GSG1L: variants seen among roughly 807,000 people sequenced by gnomAD.
GSG1L encodes the protein germ cell-specific gene 1-like protein.
In GSG1L, 24 loss-of-function variants were observed where a neutral mutation model predicts 42.1. The ratio of observed to expected loss-of-function variants is 0.57; its 90% CI spans 0.41 to 0.80. GSG1L has a LOEUF of 0.80. GSG1L is among the 30% of genes least tolerant of loss of function. GSG1L has a pLI of 0.00. For synonymous variants in GSG1L, 215 were observed against 203.5 expected (o/e 1.06, Z -0.48); for missense variants, 445 against 472.2 (o/e 0.94, Z 0.53).
At chr16:27,989,688 T>C (rs2085433138) in intron 1 of GSG1L, among the ~76,000 whole-genome samples, 1 of 150,686 alleles carries the variant, frequency 6.6e-6, no homozygotes, top group Admixed American at 6.7e-5. Context: ...TGCAGTGTGC[T>C]GAGATCACAC....
intron 1 of GSG1L, among the ~76,000 whole-genome samples, chr16:28,018,655 C>T (rs536582533): frequency 6.6e-6 from 1 of 152,076 alleles, no homozygotes; most frequent in Admixed American, 6.6e-5. Context: ...GAGGGAACGG[C>T]CATTGTGCAG....
At chr16:27,931,562 G>A (rs985303900) in intron 2 of GSG1L, among the ~76,000 whole-genome samples, 3 of 152,230 alleles carry the variant, frequency 2.0e-5, no homozygotes, top group Non-Finnish European at 4.4e-5. Context: ...GCAAACAGTA[G>A]AAAGCTGGAG....
rs969203821 is a variant in GSG1L, at chr16:28,056,268, C to T, written c.349+6808G>A. On this transcript the variant is annotated intron_variant, in intron 1 of 6. Transcript: ENST00000447459. Reference sequence around the variant, plus strand: ...GAATTAAGAAAATGTGGCACATATACGCCATGGAATACTATGCAGCCATAA... The same window carrying T: ...GAATTAAGAAAATGTGGCACATATATGCCATGGAATACTATGCAGCCATAA... Among the ~76,000 whole-genome samples, 13 of 152,104 alleles carry T rather than the reference C, an allele frequency of 8.5e-5. 1 individual carries two copies. The highest frequency in any genetic ancestry group is 3.3e-4 in the Admixed American group (5 of 15,284).
At chr16:27,863,749 G>A (rs866461579) in intron 3 of GSG1L, among the ~76,000 whole-genome samples, 3 of 152,172 alleles carry the variant, frequency 2.0e-5, no homozygotes, top group South Asian at 2.1e-4. Context: ...ACTGGGCCAG[G>A]AGAAAGAGAT....
intron 1 of GSG1L, among the ~76,000 whole-genome samples, chr16:27,973,169 G>T (rs374812433): frequency 6.6e-6 from 1 of 152,238 alleles, no homozygotes; most frequent in East Asian, 1.9e-4. Flanking sequence ...AGTGCTTAGG[G>T]CCAGGTGCGG....
At chr16:27,893,613 C>T (rs1567508439) in intron 2 of GSG1L, among the ~76,000 whole-genome samples, 1 of 152,190 alleles carries the variant, frequency 6.6e-6, no homozygotes, top group Non-Finnish European at 1.5e-5. Flanking sequence ...GACAAGGTCT[C>T]AGTCTGTCAC....
At chr16:27,930,638 A>C (rs1455855178) in intron 2 of GSG1L, among the ~76,000 whole-genome samples, 1 of 152,230 alleles carries the variant, frequency 6.6e-6, no homozygotes, top group Admixed American at 6.5e-5. Context: ...TTAGCATCTC[A>C]AGGTAGACAT....
At chr16:27,852,928 G>A (rs1404485681) in intron 3 of GSG1L, among the ~76,000 whole-genome samples, 1 of 152,046 alleles carries the variant, frequency 6.6e-6, no homozygotes, top group East Asian at 1.9e-4. Flanking sequence ...CCGGGGCACC[G>A]GGTACCGCTG....
intron 2 of GSG1L, among the ~76,000 whole-genome samples, chr16:27,935,931 C>G (rs1341357160): frequency 6.7e-6 from 1 of 149,214 alleles, no homozygotes; most frequent in Non-Finnish European, 1.5e-5. Flanking sequence ...CCTGGTGAAC[C>G]CTTGCCTAGC....
intron 1 of GSG1L, among the ~76,000 whole-genome samples, chr16:27,982,637 T>C (rs974222866): frequency 6.6e-6 from 1 of 152,250 alleles, no homozygotes; most frequent in African/African-American, 2.4e-5. Context: ...GAGGTTTATT[T>C]GGCTCGTGGC....
chr16:27,823,282 T>C (rs1276679309), intron 5 of GSG1L, among the ~76,000 whole-genome samples: 1 of 152,108 alleles, frequency 6.6e-6, no homozygotes, highest in Non-Finnish European at 1.5e-5. Context: ...ACCCAACACA[T>C]GTGCATACTG....
intron 5 of GSG1L, among the ~76,000 whole-genome samples, chr16:27,815,342 G>A (rs1389434318): frequency 6.6e-6 from 1 of 152,140 alleles, no homozygotes; most frequent in Non-Finnish European, 1.5e-5. Flanking sequence ...CTCATTGTGT[G>A]ATGTACCTGC....
At chr16:27,906,916 C>T (rs2084326844) in intron 2 of GSG1L, among the ~76,000 whole-genome samples, 1 of 152,168 alleles carries the variant, frequency 6.6e-6, no homozygotes, top group Non-Finnish European at 1.5e-5. Context: ...ACTGCCCCTC[C>T]TGTGCCCTGG....
chr16:27,969,733 T>C (rs1338625888), intron 1 of GSG1L, among the ~76,000 whole-genome samples: 7 of 152,244 alleles, frequency 4.6e-5, no homozygotes, highest in Admixed American at 2.6e-4. Flanking sequence ...AGGAATAGAA[T>C]TGCTGAGTCA....
chr16:27,852,429 G>A (rs1051838279), intron 3 of GSG1L, among the ~76,000 whole-genome samples: 3 of 152,112 alleles, frequency 2.0e-5, no homozygotes, highest in Admixed American at 6.5e-5. Context: ...GGCACCTCTC[G>A]GTGTCAGGGC....
chr16:27,881,654 T>A (rs990726185), intron 3 of GSG1L, among the ~76,000 whole-genome samples: 2 of 152,164 alleles, frequency 1.3e-5, no homozygotes, highest in African/African-American at 4.8e-5. Context: ...CCCACTACTG[T>A]GATTTGTTGG....
At chr16:27,811,780 C>T (rs2083034408) in intron 5 of GSG1L, among the ~76,000 whole-genome samples, 1 of 152,224 alleles carries the variant, frequency 6.6e-6, no homozygotes, top group Non-Finnish European at 1.5e-5. Flanking sequence ...TCCCAAGTAT[C>T]TGGAATTACA....
chr16:27,901,652 C>A (rs924976383), intron 2 of GSG1L, among the ~76,000 whole-genome samples: 1 of 152,148 alleles, frequency 6.6e-6, no homozygotes, highest in Non-Finnish European at 1.5e-5. Flanking sequence ...GAGCAAGTGC[C>A]CCAGGTCGTT....
At chr16:27,827,889 TCCATCCATCCATCC>T (rs1291762710) in intron 5 of GSG1L, among the ~76,000 whole-genome samples, 7 of 130,866 alleles carry the variant, frequency 5.3e-5, no homozygotes, top group East Asian at 2.7e-4. Flanking sequence ...CATCCATCCA[TCCATCCATCCATCC>T]CTTCACCTAC....
Sources: allele counts gnomAD v4.1 joint callset (sites outside exome capture counted in the v4.1 genomes callset), GRCh38; gene constraint gnomAD v4.1.1; transcripts MANE v1.5; gene names NCBI Gene and HGNC (gene_info 2026-07-23, HGNC 2026-07-21).